The following CLCN7 variants were observed in gnomAD, a reference collection of about 807,000 sequenced individuals.
The protein encoded by CLCN7 is H(+)/Cl(-) exchange transporter 7.
Under a neutral mutation model 102.1 loss-of-function variants are expected in CLCN7, and 60 were observed. The observed-to-expected ratio is 0.59, with a 90% CI of 0.48 to 0.73. The LOEUF (loss-of-function observed/expected upper bound fraction) is 0.73, where lower values mean the gene tolerates loss of function less well. Ranked by LOEUF, CLCN7 falls within the 30% of genes least tolerant of loss-of-function variation. The pLI is 0.00. For missense variants in CLCN7, 962 were observed against 1,125.7 expected, an observed-to-expected ratio of 0.85 and a Z score of 2.08; for synonymous variants, 560 against 490.5, an observed-to-expected ratio of 1.14 and a Z score of -1.87.
chr16:1,469,834 G>A (rs2039052405), intron 1 of CLCN7, among the ~76,000 whole-genome samples: 1 of 152,238 alleles, frequency 6.6e-6, no homozygotes, highest in Non-Finnish European at 1.5e-5. Context: ...ATGGATGAGT[G>A]AGTCAAGGAA....
intron 15 of CLCN7, chr16:1,452,273 CCT>C (rs751858840): frequency 8.5e-6 from 2 of 236,052 alleles, no homozygotes; most frequent in African/African-American, 2.2e-5. Flanking sequence ...CTAGGCTCTC[CCT>C]GTTCTGGATG....
At chr16:1,460,027 T>C (rs1031488966) in intron 6 of CLCN7, among the ~76,000 whole-genome samples, 3 of 151,886 alleles carry the variant, frequency 2.0e-5, no homozygotes, top group South Asian at 4.2e-4. Context: ...AGCACACACG[T>C]TGGGGCCCCA....
At chr16:1,454,556 G>C in intron 12 of CLCN7, 91 bp from the exon 13 acceptor site, 2 of 1,264,574 alleles carry the variant, frequency 1.6e-6, no homozygotes, top group Non-Finnish European at 1.2e-6. Context: ...TCTTAAGAGA[G>C]CTGTCCCCAC....
intron 6 of CLCN7, 94 bp downstream of exon 6, chr16:1,460,324 G>A: frequency 1.1e-6 from 1 of 907,250 alleles, no homozygotes; most frequent in Non-Finnish European, 1.8e-6. Flanking sequence ...CAATGTGATG[G>A]TGGGGGTGGG....
intron 17 of CLCN7, chr16:1,449,585 CGCA>C: frequency 1.7e-6 from 1 of 579,006 alleles, no homozygotes; most frequent in Non-Finnish European, 3.1e-6. Context: ...ACAGTCACCA[CGCA>C]GCAGCCCAGG....
chr16:1,468,961 C>T (rs931465594), intron 1 of CLCN7, among the ~76,000 whole-genome samples: 2 of 150,604 alleles, frequency 1.3e-5, no homozygotes, highest in Admixed American at 6.6e-5. Context: ...GAGGCCAAGG[C>T]GGGCAGATCA....
In CLCN7 at chr16:1,446,522, T is replaced by C. The variant is rs757487335; in HGVS notation, c.*109A>G. ...CCGCCCAGCTGCAGGGTGCTCGCCA[T>C]TGCCACTGCTGGGGAGCATGGTTTG... On this transcript the variant is annotated 3_prime_UTR_variant, in exon 25 of 25. Coordinates refer to ENST00000382745, the MANE Select transcript of CLCN7 (RefSeq NM_001287.6). 9.8e-7 allele frequency: 1 copy of C among 1,022,686 alleles called. No homozygotes were observed. The highest frequency in any genetic ancestry group is 1.4e-5 in the South Asian group (1 of 73,848). The allele number at this position is 1,022,686 out of a possible 1,614,324, so 63.4% of individuals were successfully genotyped here.
chr16:1,456,042 C>G, intron 10 of CLCN7, 71 bp downstream of exon 10: 1 of 1,319,646 alleles, frequency 7.6e-7, no homozygotes, highest in Non-Finnish European at 1.1e-6. Context: ...ACTGGGCCTA[C>G]AGAGAGGAGA....
intron 1 of CLCN7, among the ~76,000 whole-genome samples, chr16:1,471,199 T>TCTGC (rs1439185403): frequency 2.6e-5 from 4 of 152,086 alleles, no homozygotes; most frequent in African/African-American, 4.8e-5. Flanking sequence ...CACTCCACAG[T>TCTGC]CTGCCCTGCC....
At position 1,453,826 on chromosome 16, in the gene CLCN7, C is replaced by T. The variant is rs771021872; in HGVS notation, c.1214+8G>A. 3.1e-6 allele frequency: 5 copies of T among 1,613,226 alleles called. No individual in the cohort carries two copies. The South Asian group carries it at 4.4e-5, about 14-fold the overall frequency. On this transcript the variant is annotated splice_region_variant and intron_variant, in intron 14 of 24. Coordinates refer to ENST00000382745, the MANE Select transcript of CLCN7 (RefSeq NM_001287.6). Reference sequence around the variant, plus strand: ...GCCAACGCGATATGCAATGCGGTTTCTCCTCACCTGATTCGAAACATGGTC... The same window carrying T: ...GCCAACGCGATATGCAATGCGGTTTTTCCTCACCTGATTCGAAACATGGTC...
Position 1,446,264 on chromosome 16 carries a change from G to T in CLCN7, c.*367C>A. ...CCTCGGGGCAGCAGCAGGGGCAAGGGCTCTGTCTCACGCACACGGGCACAG... is the reference window on the plus strand; with the variant it reads ...CCTCGGGGCAGCAGCAGGGGCAAGGTCTCTGTCTCACGCACACGGGCACAG... On this transcript the variant is annotated 3_prime_UTR_variant, in exon 25 of 25. Coordinates refer to ENST00000382745, the MANE Select transcript of CLCN7 (RefSeq NM_001287.6). 1 of 687,950 alleles carries T rather than the reference G, an allele frequency of 1.5e-6. No homozygotes were observed. Among genetic ancestry groups the T allele is most frequent in the South Asian group, 1.5e-5 (1 of 65,098 alleles). 42.6% of individuals were successfully genotyped at this position (687,950 alleles called of 1,614,324 possible).
chr16:1,465,172 A>G, intron 2 of CLCN7, 95 bp downstream of exon 2: 1 of 1,260,480 alleles, frequency 7.9e-7, no homozygotes, highest in African/African-American at 1.5e-5. Flanking sequence ...CTGGGGCCCC[A>G]CTATCTCCCT....
At chr16:1,474,802 A>C in intron 1 of CLCN7, 32 bp downstream of exon 1, 1 of 1,294,202 alleles carries the variant, frequency 7.7e-7, no homozygotes. Context: ...ACGAGGGCTC[A>C]GTTTCCCCGC....
chr16:1,464,445 G>A (rs139238584), intron 2 of CLCN7, among the ~76,000 whole-genome samples: 2,539 of 152,346 alleles, frequency 0.017, 22 homozygotes, highest in Non-Finnish European at 0.021. Context: ...CAGATCTTCC[G>A]AAGGCCTTGT....
intron 7 of CLCN7, among the ~76,000 whole-genome samples, chr16:1,458,460 G>C (rs2038874548): frequency 6.6e-6 from 1 of 152,270 alleles, no homozygotes; most frequent in Non-Finnish European, 1.5e-5. Flanking sequence ...CAGTAAACCT[G>C]ATCTCCCACC....
chr16:1,448,173 C>G (rs369570743), intron 21 of CLCN7, 182 bp downstream of exon 21: 30 of 853,706 alleles, frequency 3.5e-5, no homozygotes, highest in South Asian at 1.3e-4. Context: ...CGCAGCCCCC[C>G]CCACCAGCCT....
intron 1 of CLCN7, chr16:1,471,508 C>A (rs1316215095): frequency 6.6e-6 from 1 of 152,248 alleles, no homozygotes; most frequent in African/African-American, 2.4e-5. Flanking sequence ...CAGACCCTCC[C>A]CCAGAAAAGC....
chr16:1,474,417 C>A (rs2039122618), intron 1 of CLCN7: 9 of 337,942 alleles, frequency 2.7e-5, no homozygotes, highest in South Asian at 2.0e-4. Context: ...CCCAGGGGGT[C>A]AAAAACGCAA....
At chr16:1,463,144 G>A in intron 2 of CLCN7, among the ~76,000 whole-genome samples, 1 of 152,102 alleles carries the variant, frequency 6.6e-6, no homozygotes. Flanking sequence ...AAGAGAGAGA[G>A]AGAGGGAGGG....
Sources: gnomAD v4.1 joint callset for allele counts (sites outside exome capture counted in the v4.1 genomes callset) on GRCh38, gnomAD v4.1.1 for gene constraint, MANE v1.5 for transcripts, NCBI Gene and HGNC (gene_info 2026-07-23, HGNC 2026-07-21) for gene names.